Variants in MMD observed in about 807,000 individuals in gnomAD.
MMD encodes the protein monocyte to macrophage differentiation associated, also known as monocyte to macrophage differentiation factor.
MMD carries 22 observed loss-of-function variants against 33.6 expected under a neutral mutation model. The observed-to-expected ratio is 0.66, with a 90% confidence interval of 0.47 to 0.94. MMD has a LOEUF of 0.94. Ranked by LOEUF, MMD falls within the 40% of genes least tolerant of loss-of-function variation. MMD has a pLI of 0.00. For synonymous variants in MMD, 97 were observed against 103.2 expected, an observed-to-expected ratio of 0.94 and a Z score of 0.36; for missense variants, 242 against 309.8, an observed-to-expected ratio of 0.78 and a Z score of 1.64.
At chr17:55,412,268 T>C (rs2143150874) in intron 2 of MMD, among the ~76,000 whole-genome samples, 2 of 152,322 alleles carry the variant, frequency 1.3e-5, no homozygotes, top group East Asian at 3.9e-4. Flanking sequence ...TGATTTTCAG[T>C]TTGGATCTGT....
In MMD at chr17:55,392,674, G is replaced by C. The variant is rs1373760982; in HGVS notation, c.*1660C>G. On this transcript the variant is annotated 3_prime_UTR_variant, in exon 7 of 7. Transcript: ENST00000262065. ...CAGCACAATTTTTACATACATATTA[G>C]TGGTTTTGACAGTGTTACTTTTGAG... 1 of 152,546 alleles carries C rather than the reference G, an allele frequency of 6.6e-6. No homozygotes were observed. Among genetic ancestry groups the C allele is most frequent in the African/African-American group, 2.4e-5 (1 of 41,424 alleles). 9.4% of individuals were successfully genotyped at this position (152,546 alleles called of 1,614,324 possible).
At chr17:55,400,575 T>TTA (rs1428856726) in intron 6 of MMD, among the ~76,000 whole-genome samples, 1 of 149,666 alleles carries the variant, frequency 6.7e-6, no homozygotes, top group Non-Finnish European at 1.5e-5. Context: ...AAAAAGGTTC[T>TTA]TACAATGTGC....
In MMD at chr17:55,393,278, A is replaced by G. The variant is rs1260373632; in HGVS notation, c.*1056T>C. ...AAAAAAAAAAAAAACACAATATATGAGAAGATGCAAAGGAAAGGCAGAAAT... is the reference window on the plus strand; with the variant it reads ...AAAAAAAAAAAAAACACAATATATGGGAAGATGCAAAGGAAAGGCAGAAAT... On this transcript the variant is annotated 3_prime_UTR_variant, in exon 7 of 7. Transcript: ENST00000262065. 6.6e-6 allele frequency: 1 copy of G among 151,486 alleles called. No homozygotes were observed. Among genetic ancestry groups the G allele is most frequent in the Non-Finnish European group, 1.5e-5 (1 of 67,884 alleles). 9.4% of individuals were successfully genotyped at this position (151,486 alleles called of 1,614,324 possible).
At position 55,407,838 on chromosome 17, in the gene MMD, A is replaced by AG; in HGVS notation, c.270-19_270-18insC. ...CCACTGTCCTAGCGAGGGGGAAAAAAAAGTAAATTTGTCAGAAAGTGTTCA... is the reference window on the plus strand; with the variant it reads ...CCACTGTCCTAGCGAGGGGGAAAAAAGAAGTAAATTTGTCAGAAAGTGTTCA... On this transcript the variant is annotated intron_variant, in intron 3 of 6. Transcript: ENST00000262065. 1 of 1,541,514 alleles carries AG rather than the reference A, an allele frequency of 6.5e-7. No individual in the cohort carries two copies. Among genetic ancestry groups the AG allele is most frequent in the Non-Finnish European group, 8.7e-7 (1 of 1,148,546 alleles).
At chr17:55,420,209 A>C (rs1460198477) in intron 1 of MMD, 1 of 152,248 alleles carries the variant, frequency 6.6e-6, no homozygotes, top group Non-Finnish European at 1.5e-5. Context: ...GGAAGAGCAC[A>C]GACGTGTAGA....
intron 5 of MMD, among the ~76,000 whole-genome samples, chr17:55,402,017 G>A (rs1001232731): frequency 2.0e-5 from 3 of 150,602 alleles, no homozygotes; most frequent in African/African-American, 7.4e-5. Flanking sequence ...CCGGGAGGCG[G>A]GGCTTGCAGT....
intron 6 of MMD, among the ~76,000 whole-genome samples, chr17:55,398,981 C>T (rs543598313): frequency 3.3e-5 from 5 of 152,196 alleles, no homozygotes; most frequent in African/African-American, 9.7e-5. Context: ...CAACGACTCA[C>T]GGAAACTGCT....
At chr17:55,415,062 C>T (rs1207534119) in intron 1 of MMD, among the ~76,000 whole-genome samples, 1 of 152,120 alleles carries the variant, frequency 6.6e-6, no homozygotes. Context: ...CAGAGAAAAG[C>T]ATGAATACCA....
chr17:55,395,914 G>A (rs1907082313), intron 6 of MMD, among the ~76,000 whole-genome samples: 1 of 152,204 alleles, frequency 6.6e-6, no homozygotes, highest in South Asian at 2.1e-4. Context: ...AAGGGGCACA[G>A]GGACTCCCAA....
chr17:55,395,820 A>G (rs1907077091), intron 6 of MMD, among the ~76,000 whole-genome samples: 1 of 152,244 alleles, frequency 6.6e-6, no homozygotes, highest in Non-Finnish European at 1.5e-5. Flanking sequence ...TTATACAGCA[A>G]TGAATACACA....
At chr17:55,421,209 G>A (rs1908172312) in intron 1 of MMD, among the ~76,000 whole-genome samples, 2 of 152,228 alleles carry the variant, frequency 1.3e-5, no homozygotes, top group African/African-American at 4.8e-5. Context: ...CTCTCCGCAG[G>A]GCGCCACCCC....
intron 3 of MMD, 124 bp downstream of exon 3, chr17:55,411,133 G>C: frequency 1.8e-6 from 2 of 1,108,502 alleles, no homozygotes; most frequent in Non-Finnish European, 2.5e-6. Context: ...TAGTATTCTA[G>C]TCTACAAGGC....
intron 6 of MMD, among the ~76,000 whole-genome samples, chr17:55,399,436 T>G (rs1268348301): frequency 6.6e-6 from 1 of 152,204 alleles, no homozygotes; most frequent in Non-Finnish European, 1.5e-5. Context: ...TTACAAGACT[T>G]GTGCTACCTG....
intron 6 of MMD, among the ~76,000 whole-genome samples, chr17:55,396,798 G>A (rs545884724): frequency 1.3e-5 from 2 of 151,960 alleles, no homozygotes; most frequent in South Asian, 4.2e-4. Context: ...TGTATTTTTA[G>A]TAGAGATGGG....
chr17:55,411,569 A>T, intron 2 of MMD, 152 bp from the exon 3 acceptor site: 1 of 1,002,872 alleles, frequency 1.0e-6, no homozygotes, highest in Non-Finnish European at 1.4e-6. Context: ...AACGAGAGCC[A>T]GATGAAGTTA....
intron 4 of MMD, among the ~76,000 whole-genome samples, chr17:55,405,981 A>C (rs1279584564): frequency 6.6e-6 from 1 of 152,260 alleles, no homozygotes; most frequent in East Asian, 1.9e-4. Context: ...GAAAGATCAA[A>C]GGCAATGAAC....
intron 1 of MMD, among the ~76,000 whole-genome samples, chr17:55,415,490 ATGG>A (rs1410592960): frequency 1.3e-5 from 2 of 152,242 alleles, no homozygotes; most frequent in Non-Finnish European, 2.9e-5. Context: ...AAAATAAAAA[ATGG>A]TACAGGGCTG....
rs1344732963 is a variant in MMD, at chr17:55,394,438, G to T, written c.613C>A (p.His205Asn). Reference sequence around the variant, plus strand: ...GCCACAAACAGGTGCCAGATGGCGTGGGCAAATGGAATGATGCCATCACTC... The same window carrying T: ...GCCACAAACAGGTGCCAGATGGCGTTGGCAAATGGAATGATGCCATCACTC... ...FKSDGIIPFA[H>N]AIWHLFVATA... is the part of the protein sequence containing the mutation. Residue 205 changes from histidine to asparagine, a missense_variant, in exon 7 of 7, where the codon CAC becomes AAC. Coordinates refer to ENST00000262065, the MANE Select transcript of MMD (RefSeq NM_012329.3). The T allele has an allele frequency of 3.9e-6, 6 of 1,533,278 alleles. No individual in the cohort carries two copies. The highest frequency in any genetic ancestry group is 5.2e-6 in the Non-Finnish European group (6 of 1,145,496). 95.0% of individuals were successfully genotyped at this position (1,533,278 alleles called of 1,614,324 possible).
intron 5 of MMD, among the ~76,000 whole-genome samples, chr17:55,403,451 A>G (rs1193078563): frequency 6.6e-6 from 1 of 152,108 alleles, no homozygotes; most frequent in Non-Finnish European, 1.5e-5. Context: ...TGGTTTTCTC[A>G]CGTGATGACT....
Sources: gnomAD v4.1 joint callset for allele counts (sites outside exome capture counted in the v4.1 genomes callset) on GRCh38, gnomAD v4.1.1 for gene constraint, MANE v1.5 for transcripts, NCBI Gene and HGNC (gene_info 2026-07-23, HGNC 2026-07-21) for gene names.